The following MYO16 variants were observed in gnomAD, a reference collection of about 807,000 sequenced individuals.
MYO16 encodes unconventional myosin-XVI.
Under a neutral mutation model 205.3 loss-of-function variants are expected in MYO16, and 94 were observed. That is an observed-to-expected ratio of 0.46 (90% confidence interval 0.39 to 0.54). The LOEUF is 0.54. Among genes scored for constraint, MYO16 ranks in the 20% least tolerant of loss-of-function variants. The probability of loss-of-function intolerance (pLI) is 0.00; values close to 1 mark genes in which losing one functional copy is unlikely to be tolerated. For missense variants in MYO16, 2,315 were observed against 2,387.5 expected, an observed-to-expected ratio of 0.97 and a Z score of 0.63; for synonymous variants, 988 against 954.0, an observed-to-expected ratio of 1.04 and a Z score of -0.66.
chr13:108,726,317 T>C (rs889800182), intron 3 of MYO16, among the ~76,000 whole-genome samples: 3 of 152,080 alleles, frequency 2.0e-5, no homozygotes, highest in Non-Finnish European at 2.9e-5. Context: ...TCCCAGCACT[T>C]TGGGAGGCCG....
chr13:108,953,456 C>T (rs1459785759), intron 16 of MYO16, among the ~76,000 whole-genome samples: 2 of 152,098 alleles, frequency 1.3e-5, no homozygotes, highest in South Asian at 4.1e-4. Context: ...TGCAATATCT[C>T]ATTTGTCATT....
At chr13:109,024,944 A>G (rs9587752) in intron 23 of MYO16, among the ~76,000 whole-genome samples, 2,565 of 152,296 alleles carry the variant, frequency 0.017, 73 homozygotes, top group African/African-American at 0.059. Context: ...TTTATAAATC[A>G]AGACACGTAG....
At chr13:108,644,031 C>T (rs1880627240) in intron 1 of MYO16, among the ~76,000 whole-genome samples, 2 of 152,174 alleles carry the variant, frequency 1.3e-5, no homozygotes, top group Admixed American at 1.3e-4. Flanking sequence ...TATTTCTGGG[C>T]TTTCTCCTTC....
At chr13:108,534,624 T>TAA in the MYO16 span, among the ~76,000 whole-genome samples, 2 of 150,498 alleles carry the variant, frequency 1.3e-5, no homozygotes, top group South Asian at 2.1e-4. Flanking sequence ...GCTTCTACAT[T>TAA]AAAAAAAAAC....
intron 2 of MYO16, among the ~76,000 whole-genome samples, chr13:108,677,955 T>C (rs1026044232): frequency 5.3e-5 from 8 of 152,210 alleles, no homozygotes; most frequent in Non-Finnish European, 1.0e-4. Context: ...AACTGGCTGG[T>C]GATTTTCATA....
intron 18 of MYO16, 138 bp downstream of exon 18, chr13:108,961,794 A>C: frequency 3.0e-6 from 2 of 666,778 alleles, no homozygotes; most frequent in South Asian, 1.8e-5. Context: ...GAGGGGGGGA[A>C]ATTGTCTACT....
intron 23 of MYO16, among the ~76,000 whole-genome samples, chr13:109,031,315 C>A (rs1886542154): frequency 6.6e-6 from 1 of 152,136 alleles, no homozygotes; most frequent in South Asian, 2.1e-4. Context: ...TGGTCTTAAA[C>A]TCCTGATCTC....
At chr13:108,574,708 TGC>T in the MYO16 span, among the ~76,000 whole-genome samples, 764 of 81,780 alleles carry the variant, frequency 9.3e-3, 6 homozygotes, top group African/African-American at 0.029. Context: ...TGTGTGTGTG[TGC>T]GCTTGTGTGT....
At chr13:109,147,967 C>T (rs1877431573) in intron 32 of MYO16, among the ~76,000 whole-genome samples, 1 of 152,000 alleles carries the variant, frequency 6.6e-6, no homozygotes. Context: ...CTTCCTTTGC[C>T]ATGTTAATAG....
chr13:109,067,197 T>A (rs776149276), intron 27 of MYO16, among the ~76,000 whole-genome samples: 1 of 152,204 alleles, frequency 6.6e-6, no homozygotes, highest in East Asian at 1.9e-4. Flanking sequence ...AATAACCATT[T>A]AGAGTAACTA....
chr13:109,169,477 A>G (rs1456111988), intron 33 of MYO16, among the ~76,000 whole-genome samples: 1 of 152,184 alleles, frequency 6.6e-6, no homozygotes, highest in African/African-American at 2.4e-5. Flanking sequence ...AAGGGGATAG[A>G]GAAATAGAGA....
Position 109,052,313 on chromosome 13 carries a change from C to T in MYO16, c.2886C>T (p.Val962=), listed in dbSNP as rs148398718. 6.8e-6 allele frequency: 11 copies of T among 1,612,316 alleles called. No homozygotes were observed. In the Admixed American group the frequency reaches 1.0e-4, roughly 15 times the overall value. The change falls in exon 25 of 35, where the codon GTC becomes GTT. Residue 962 remains valine (V), a synonymous_variant. Coordinates refer to ENST00000457511, the MANE Select transcript of MYO16 (RefSeq NM_001198950.3). ...LLFVMKTSEN[V]VINHLFQSKL... is the part of the protein sequence containing the mutation. ...TTTATTTCCTAGCTAGTGAAAATGT[C>T]GTGATCAATCATTTGTTCCAGTCGA...
intron 9 of MYO16, among the ~76,000 whole-genome samples, chr13:108,843,102 G>A (rs1294219866): frequency 6.6e-6 from 1 of 151,556 alleles, no homozygotes; most frequent in Non-Finnish European, 1.5e-5. Flanking sequence ...TGGAGAGTGG[G>A]AGCAAGGGAA....
the MYO16 span, among the ~76,000 whole-genome samples, chr13:108,567,444 A>G: frequency 3.2e-4 from 49 of 152,314 alleles, no homozygotes; most frequent in African/African-American, 1.1e-3. Flanking sequence ...ATTGAGATAC[A>G]GCAAATAAAA....
chr13:108,954,080 A>G (rs1883256191), intron 16 of MYO16, among the ~76,000 whole-genome samples: 4 of 152,224 alleles, frequency 2.6e-5, no homozygotes. Context: ...ACTGAAATAA[A>G]CATGCCGCTG....
At chr13:109,053,649 G>A (rs2139608215) in intron 25 of MYO16, among the ~76,000 whole-genome samples, 1 of 152,182 alleles carries the variant, frequency 6.6e-6, no homozygotes, top group South Asian at 2.1e-4. Context: ...GTAACTCACA[G>A]TAGTTCCTCC....
intron 4 of MYO16, among the ~76,000 whole-genome samples, chr13:108,784,020 T>C: frequency 6.6e-6 from 1 of 152,208 alleles, no homozygotes; most frequent in East Asian, 1.9e-4. Context: ...TCCCATGTTA[T>C]GGCTACATGG....
At chr13:108,701,969 G>T (rs1883326197) in intron 2 of MYO16, among the ~76,000 whole-genome samples, 1 of 151,976 alleles carries the variant, frequency 6.6e-6, no homozygotes, top group Admixed American at 6.6e-5. Context: ...AAAACAAGCA[G>T]TGAATTTAAA....
At chr13:108,624,599 A>G (rs2139340852) in intron 1 of MYO16, among the ~76,000 whole-genome samples, 1 of 152,332 alleles carries the variant, frequency 6.6e-6, no homozygotes, top group East Asian at 1.9e-4. Flanking sequence ...AAGATTTCAA[A>G]GTGGTTGTTC....
Sources: allele counts gnomAD v4.1 joint callset (sites outside exome capture counted in the v4.1 genomes callset), GRCh38; gene constraint gnomAD v4.1.1; transcripts MANE v1.5; gene names NCBI Gene and HGNC (gene_info 2026-07-23, HGNC 2026-07-21).